Variants in SLC7A9 observed in about 807,000 individuals in gnomAD.
The protein encoded by SLC7A9 is B(0,+)-type amino acid transporter 1.
Under a neutral mutation model 54.1 loss-of-function variants are expected in SLC7A9, and 38 were observed. The observed-to-expected ratio is 0.70, with a 90% CI of 0.54 to 0.92. SLC7A9 has a LOEUF of 0.92. SLC7A9 is among the 40% of genes least tolerant of loss of function. SLC7A9 has a pLI of 0.00. For missense variants in SLC7A9, 537 were observed against 636.1 expected, an observed-to-expected ratio of 0.84 and a Z score of 1.68; for synonymous variants, 264 against 258.9, an observed-to-expected ratio of 1.02 and a Z score of -0.19.
intron 9 of SLC7A9, among the ~76,000 whole-genome samples, chr19:32,853,329 T>C (rs985419555): frequency 2.6e-5 from 4 of 152,188 alleles, no homozygotes; most frequent in African/African-American, 9.7e-5. Flanking sequence ...AGGAAACTTT[T>C]TGGGGTGATG....
intron 12 of SLC7A9, among the ~76,000 whole-genome samples, chr19:32,831,524 C>T (rs570327526): frequency 6.6e-5 from 10 of 152,234 alleles, no homozygotes; most frequent in Admixed American, 3.3e-4. Flanking sequence ...CTCCTGACCT[C>T]GTGATCTGCC....
chr19:32,863,411 G>A (rs1968865148), intron 4 of SLC7A9, among the ~76,000 whole-genome samples: 1 of 152,164 alleles, frequency 6.6e-6, no homozygotes, highest in South Asian at 2.1e-4. Flanking sequence ...ACAGGTGTGG[G>A]CCACTGCACC....
rs121908485 is a variant in SLC7A9 at position 32,864,733 on chromosome 19, A to G, written c.131T>C (p.Ile44Thr). ...GGGGGAAACGAAGATCCCAGAGCCA[A>G]TGATGGTGCCCACGATGATGGAGAT... Reference protein sequence around the residue: ...SGISIIVGTIIGSGIFVSPKS... With the variant: ...SGISIIVGTITGSGIFVSPKS... Residue 44 changes from isoleucine (I) to threonine (T), a missense_variant, in exon 3 of 13, where the codon ATT (isoleucine) becomes ACT (threonine). Transcript: ENST00000023064. 4 of 1,614,184 alleles carry G rather than the reference A, an allele frequency of 2.5e-6. No homozygotes were observed. The highest frequency in any genetic ancestry group is 4.5e-5 in the East Asian group (2 of 44,874).
chr19:32,846,644 CCTAT>C (rs1407062149), intron 9 of SLC7A9, among the ~76,000 whole-genome samples: 3 of 152,184 alleles, frequency 2.0e-5, no homozygotes, highest in African/African-American at 4.8e-5. Flanking sequence ...CTTAAATGTC[CCTAT>C]CTGACAGCTT....
Position 32,833,232 on chromosome 19 carries a change from T to C in SLC7A9, c.1316A>G (p.Tyr439Cys). The C allele has an allele frequency of 6.2e-7, 1 of 1,614,030 alleles. No homozygotes were observed. The highest frequency in any genetic ancestry group is 8.5e-7 in the Non-Finnish European group (1 of 1,179,984). ...GCCGCTTAATATAAACAGCACACAG[T>C]AGAGGTACTCCCAGGTGGGCTTGCT... is the stretch of plus-strand genomic sequence containing the variant. ...IISKPTWEYLYCVLFILSGLL... is the reference protein window; with the variant it reads ...IISKPTWEYLCCVLFILSGLL... The change falls in exon 12 of 13, where the codon TAC (tyrosine) becomes TGC (cysteine). Residue 439 changes from tyrosine to cysteine, a missense_variant. Physicochemically the swap from Tyr to Cys is radical, Grantham distance 194 (BLOSUM62 -2). Transcript: ENST00000023064.
At chr19:32,867,386 G>A (rs546276788) in intron 2 of SLC7A9, among the ~76,000 whole-genome samples, 8 of 152,232 alleles carry the variant, frequency 5.3e-5, no homozygotes, top group Admixed American at 3.3e-4. Context: ...GCATGGTGGT[G>A]TGCTCCTGTA....
At position 32,830,621 on chromosome 19, in the gene SLC7A9, TACTC is replaced by T; in HGVS notation, c.1459_1462del (p.Glu487AsnfsTer7). ...CTTGGCTACAAGAGACGGAGCTTGT[TACTC>T]AGGGTCTTCCTCCGGTGGGACCACT... On this transcript the variant is annotated frameshift_variant and stop_lost, in exon 13 of 13. Transcript: ENST00000023064. LOFTEE classifies it high-confidence loss of function. The T allele has an allele frequency of 6.2e-7, 1 of 1,612,758 alleles. No homozygotes were observed. The highest frequency in any genetic ancestry group is 2.2e-5 in the East Asian group (1 of 44,884).
At chr19:32,844,033 C>T in intron 9 of SLC7A9, 82 bp from the exon 10 acceptor site, 1 of 1,070,358 alleles carries the variant, frequency 9.3e-7, no homozygotes, top group Non-Finnish European at 1.4e-6. Flanking sequence ...GCTCCGGGGT[C>T]CACCAAGGAG....
chr19:32,864,647 C>G lies in SLC7A9; in HGVS notation c.217G>C (p.Gly73Arg), dbSNP rs138156402. 5 of 1,613,794 alleles carry G rather than the reference C, an allele frequency of 3.1e-6. No individual in the cohort carries two copies. Among genetic ancestry groups the G allele is most frequent in the Non-Finnish European group, 4.2e-6 (5 of 1,180,040 alleles). The change falls in exon 3 of 13, where the codon GGG (glycine) becomes CGG (arginine). Residue 73 changes from glycine to arginine, a missense_variant. Physicochemically the swap from Gly to Arg is moderately radical, Grantham distance 125. Transcript: ENST00000023064. ...GPCLIIWAAC[G>R]VLATLGALCF... The stretch of plus-strand genomic sequence containing the variant: ...TCTTTACCCAGCGTCGCGAGGACCC[C>G]GCAAGCCGCCCATATGATGAGGCAG...
intron 9 of SLC7A9, among the ~76,000 whole-genome samples, chr19:32,849,130 AAAGC>A (rs1301036914): frequency 6.6e-6 from 1 of 152,100 alleles, no homozygotes; most frequent in Non-Finnish European, 1.5e-5. Context: ...AAGAACTAGA[AAAGC>A]AAGAGCAAAC....
In SLC7A9 at chr19:32,864,986, G is replaced by A. The variant is rs56364109; in HGVS notation, c.88-210C>T. On this transcript the variant is annotated intron_variant, in intron 2 of 12. Coordinates refer to ENST00000023064, the MANE Select transcript of SLC7A9 (RefSeq NM_014270.5). ...CGTGATTAATTATCGTGACAGCCCC[G>A]CGAGCTGGCCACACTGTGTCACCCC... Among the ~76,000 whole-genome samples, 5,554 of 152,278 alleles carry A rather than the reference G, an allele frequency of 0.036. 144 individuals carry two copies. Among genetic ancestry groups the A allele is most frequent in the Non-Finnish European group, 0.058 (3,937 of 68,014 alleles).
chr19:32,850,871 A>G (rs373700394), intron 9 of SLC7A9, among the ~76,000 whole-genome samples: 7 of 152,200 alleles, frequency 4.6e-5, no homozygotes, highest in African/African-American at 9.6e-5. Context: ...ATAATGCTGC[A>G]TATCTACAAC....
At chr19:32,855,384 G>A (rs1968589047) in intron 9 of SLC7A9, among the ~76,000 whole-genome samples, 1 of 152,078 alleles carries the variant, frequency 6.6e-6, no homozygotes, top group African/African-American at 2.4e-5. Context: ...CCTGTGCCCA[G>A]TGATCGCCAG....
chr19:32,860,479 A>G, intron 7 of SLC7A9, 127 bp downstream of exon 7: 13 of 1,530,532 alleles, frequency 8.5e-6, no homozygotes, highest in Non-Finnish European at 1.0e-5. Flanking sequence ...TCAAAAAAAA[A>G]AAAAAAGAAA....
rs1392054116 is a variant in SLC7A9, at chr19:32,869,683, T to C, written c.-112+3A>G. On this transcript the variant is annotated splice_donor_region_variant and intron_variant, in intron 1 of 12. Coordinates refer to ENST00000023064, the MANE Select transcript of SLC7A9 (RefSeq NM_014270.5). ...CTTTCTATCACCTACTGACCTTACT[T>C]ACCTTCCTCCGTGACCCTGCAGAGC... The C allele has an allele frequency of 6.6e-6, 1 of 152,262 alleles. No individual in the cohort carries two copies. The highest frequency in any genetic ancestry group is 1.9e-4 in the East Asian group (1 of 5,198). The allele number at this position is 152,262 out of a possible 1,614,324, so 9.4% of individuals were successfully genotyped here. A position where few individuals can be genotyped will look rare whatever the true frequency, so the allele number is the denominator to read the frequency against.
intron 2 of SLC7A9, among the ~76,000 whole-genome samples, chr19:32,867,944 A>AG (rs1256994138): frequency 2.0e-5 from 3 of 148,280 alleles, no homozygotes; most frequent in African/African-American, 7.7e-5. Context: ...AAAAAAAAAA[A>AG]AAAAAAAAAG....
In SLC7A9 at chr19:32,833,396, TAA is replaced by T. The variant is rs532135154; in HGVS notation, c.1225-75_1225-74del. ...TTTCATGATAAAAAACCGATTTTTA[TAA>T]AAAGAGTATGAACTCCATGTACCCC... On this transcript the variant is annotated intron_variant, in intron 11 of 12. Coordinates refer to ENST00000023064, the MANE Select transcript of SLC7A9 (RefSeq NM_014270.5). 205 of 1,390,728 alleles carry T rather than the reference TAA, an allele frequency of 1.5e-4. No individual in the cohort carries two copies. The African/African-American group carries it at 2.1e-3, about 14-fold the overall frequency. 86.1% of individuals were successfully genotyped at this position (1,390,728 alleles called of 1,614,324 possible).
chr19:32,866,720 C>T (rs1237056408), intron 2 of SLC7A9, among the ~76,000 whole-genome samples: 1 of 152,174 alleles, frequency 6.6e-6, no homozygotes, highest in African/African-American at 2.4e-5. Flanking sequence ...TGCAGCCCAT[C>T]GTCTACCTCC....
intron 8 of SLC7A9, 128 bp downstream of exon 8, chr19:32,859,713 C>T (rs1968736266): frequency 8.1e-6 from 7 of 864,378 alleles, no homozygotes; most frequent in Non-Finnish European, 9.7e-6. Flanking sequence ...CGTGCGTGCC[C>T]AGTCCATGTC....
Sources: allele counts gnomAD v4.1 joint callset (sites outside exome capture counted in the v4.1 genomes callset), GRCh38; gene constraint gnomAD v4.1.1; transcripts MANE v1.5; gene names NCBI Gene and HGNC (gene_info 2026-07-23, HGNC 2026-07-21).